UGT2B7: variants seen among roughly 807,000 people sequenced by gnomAD.
UGT2B7 encodes the protein UDP-glucuronosyltransferase 2B7.
A neutral mutation model predicts 51.9 loss-of-function variants in UGT2B7; 51 were observed. That is an observed-to-expected ratio of 0.98 (90% CI 0.78 to 1.24). UGT2B7 has a LOEUF of 1.24. Ranked by LOEUF, UGT2B7 falls within the 50% of genes most tolerant of loss-of-function variation. The pLI is 0.00. For synonymous variants in UGT2B7, 225 were observed against 211.6 expected (o/e 1.06, Z -0.55); for missense variants, 727 against 628.4 (o/e 1.16, Z -1.68).
chr4:69,092,962 GAAA>G (rs57058697), upstream of UGT2B7, among the ~76,000 whole-genome samples: 665 of 131,520 alleles, frequency 5.1e-3, 3 homozygotes, highest in Middle Eastern at 0.031. Context: ...CCCCACCCCA[GAAA>G]AAAAAAAAAA....
intron 5 of UGT2B7, among the ~76,000 whole-genome samples, chr4:69,111,550 C>T (rs138357199): frequency 5.3e-4 from 80 of 152,260 alleles, no homozygotes; most frequent in African/African-American, 1.9e-3. Context: ...CTCCGTATGT[C>T]TGTTTGAGAA....
chr4:69,064,740 T>C (rs983772504), intron 1 of UGT2B7, among the ~76,000 whole-genome samples: 1 of 152,174 alleles, frequency 6.6e-6, no homozygotes, highest in Non-Finnish European at 1.5e-5. Flanking sequence ...GTGCACTCAA[T>C]AAAGATATCC....
rs1458659097 is a variant in UGT2B7, at chr4:69,096,799, G to T, written c.279G>T (p.Gln93His). The part of the protein sequence containing the change: ...KTELENFIMQ[Q>H]IKRWSDLPKD... ...AGTTGGAGAATTTCATCATGCAACA[G>T]ATTAAGAGATGGTCAGACCTTCCAA... is the stretch of plus-strand genomic sequence containing the variant. Residue 93 changes from glutamine to histidine, a missense_variant, in exon 1 of 6, where the codon CAG becomes CAT. Gln to His is a conservative substitution (Grantham distance 24). Transcript: ENST00000305231. 1.2e-6 allele frequency: 2 copies of T among 1,613,820 alleles called. No homozygotes were observed. The highest frequency in any genetic ancestry group is 1.7e-6 in the Non-Finnish European group (2 of 1,179,904).
intron 1 of UGT2B7, among the ~76,000 whole-genome samples, chr4:69,082,846 C>T (rs1480409665): frequency 1.3e-5 from 2 of 152,042 alleles, no homozygotes; most frequent in Non-Finnish European, 2.9e-5. Context: ...AATATGTCAT[C>T]TGAGACTTTG....
chr4:69,058,149 C>T (rs998994240), intron 1 of UGT2B7, among the ~76,000 whole-genome samples: 2 of 152,162 alleles, frequency 1.3e-5, no homozygotes, highest in African/African-American at 4.8e-5. Context: ...AAAGTGAAAT[C>T]TTCTCTGGCA....
At chr4:69,057,249 C>T (rs766427005) in intron 1 of UGT2B7, among the ~76,000 whole-genome samples, 4 of 152,154 alleles carry the variant, frequency 2.6e-5, no homozygotes, top group East Asian at 3.9e-4. Flanking sequence ...GATTTTAAGG[C>T]AGTAGCTTGC....
intron 1 of UGT2B7, among the ~76,000 whole-genome samples, chr4:69,074,626 T>C (rs1718665782): frequency 6.6e-6 from 1 of 151,918 alleles, no homozygotes; most frequent in Non-Finnish European, 1.5e-5. Context: ...CTTCACAATA[T>C]TTAAAATTGC....
chr4:69,082,542 C>T (rs1349623950), intron 1 of UGT2B7, among the ~76,000 whole-genome samples: 1 of 152,070 alleles, frequency 6.6e-6, no homozygotes, highest in Non-Finnish European at 1.5e-5. Context: ...CAGCCACAAT[C>T]ACGCCTTAAC....
intron 2 of UGT2B7, among the ~76,000 whole-genome samples, chr4:69,101,892 C>T (rs1348894750): frequency 6.6e-6 from 1 of 152,132 alleles, no homozygotes; most frequent in Non-Finnish European, 1.5e-5. Context: ...ACAAGATCTC[C>T]CCTGCAGAAA....
At chr4:69,051,407 G>C (rs1718009332) in exon 1 of UGT2B7, 1 of 152,202 alleles carries the variant, frequency 6.6e-6, no homozygotes, top group South Asian at 2.1e-4. Context: ...GGCAACTTAA[G>C]CCTGCCTTGT....
intron 1 of UGT2B7, among the ~76,000 whole-genome samples, chr4:69,058,119 T>C (rs1347896263): frequency 6.6e-6 from 1 of 152,164 alleles, no homozygotes; most frequent in Non-Finnish European, 1.5e-5. Flanking sequence ...TCACAGGAGC[T>C]TGTAGCCTGA....
chr4:69,053,221 A>AT (rs1418265167), intron 1 of UGT2B7, among the ~76,000 whole-genome samples: 2 of 152,226 alleles, frequency 1.3e-5, no homozygotes, highest in Admixed American at 6.5e-5. Context: ...TAAAGGTAAA[A>AT]TTTAGCTTAT....
In UGT2B7 at chr4:69,096,962, A is replaced by G. The variant is rs770747052; in HGVS notation, c.442A>G (p.Ile148Val). The change falls in exon 1 of 6, where the codon ATT becomes GTT. Residue 148 changes from isoleucine (I) to valine (V), a missense_variant. Coordinates refer to ENST00000305231, the MANE Select transcript of UGT2B7 (RefSeq NM_001074.4). The stretch of plus-strand genomic sequence containing the variant: ...AGTACAAGAGTCAAGATTTGACGTC[A>G]TTTTTGCAGATGCTATTTTTCCCTG... ...KKVQESRFDV[I>V]FADAIFPCSE... 9 of 1,613,510 alleles carry G rather than the reference A, an allele frequency of 5.6e-6. No homozygotes were observed. The highest frequency in any genetic ancestry group is 5.9e-6 in the Non-Finnish European group (7 of 1,179,766).
intron 1 of UGT2B7, among the ~76,000 whole-genome samples, chr4:69,052,105 G>C (rs1459086425): frequency 6.6e-6 from 1 of 152,094 alleles, no homozygotes; most frequent in Non-Finnish European, 1.5e-5. Context: ...GGAAAACTTA[G>C]AGCTTTGTGT....
chr4:69,064,467 G>A (rs1045369343), intron 1 of UGT2B7, among the ~76,000 whole-genome samples: 2 of 152,258 alleles, frequency 1.3e-5, no homozygotes, highest in Admixed American at 6.5e-5. Flanking sequence ...TGGGCACCTA[G>A]TGAAGGTTAT....
chr4:69,077,003 A>G (rs552681766), intron 1 of UGT2B7, among the ~76,000 whole-genome samples: 1 of 152,222 alleles, frequency 6.6e-6, no homozygotes, highest in South Asian at 2.1e-4. Flanking sequence ...GCATATGGCT[A>G]GCCAGTTTTC....
In UGT2B7 at chr4:69,064,082, A is replaced by AAG. The variant is rs879372471; in HGVS notation, c.-159+12482_-159+12483dup. ...AAAGAAAGAAAGAAAGAAAGAAAGA[A>AAG]AGAAAGAAAGAAAGAGAAAGAAAGA... On this transcript the variant is annotated intron_variant, in intron 1 of 5. Coordinates refer to the UGT2B7 transcript ENST00000502942. 2.7e-3 allele frequency among the ~76,000 whole-genome samples: 275 copies of AAG among 101,862 alleles called. 5 individuals are homozygous for AAG. Among genetic ancestry groups the AAG allele is most frequent in the African/African-American group, 0.014 (247 of 17,614 alleles). 66.8% of individuals were successfully genotyped at this position (101,862 alleles called of 152,430 possible).
chr4:69,074,444 A>ATATATATATG, intron 1 of UGT2B7, among the ~76,000 whole-genome samples: 1 of 148,034 alleles, frequency 6.8e-6, no homozygotes, highest in South Asian at 2.1e-4. Flanking sequence ...ATATATATAT[A>ATATATATATG]TAAATTAAAA....
intron 1 of UGT2B7, among the ~76,000 whole-genome samples, chr4:69,059,015 C>T (rs868688121): frequency 2.6e-5 from 4 of 152,172 alleles, no homozygotes; most frequent in Non-Finnish European, 4.4e-5. Flanking sequence ...TCAGGGCCAT[C>T]GTACAGGAAG....
Sources: allele counts gnomAD v4.1 joint callset (sites outside exome capture counted in the v4.1 genomes callset), GRCh38; gene constraint gnomAD v4.1.1; transcripts MANE v1.5; gene names NCBI Gene and HGNC (gene_info 2026-07-23, HGNC 2026-07-21).